The following TENM1 variants were observed in gnomAD, a reference collection of about 807,000 sequenced individuals.
The protein encoded by TENM1 is teneurin transmembrane protein 1.
Under a neutral mutation model 174.8 loss-of-function variants are expected in TENM1, and 35 were observed. The ratio of observed to expected loss-of-function variants is 0.20; its 90% CI spans 0.15 to 0.27. The LOEUF is 0.27. Among genes scored for constraint, TENM1 ranks in the 10% least tolerant of loss-of-function variants. The probability of loss-of-function intolerance (pLI) is 1.00; values close to 1 mark genes in which losing one functional copy is unlikely to be tolerated. For missense variants in TENM1, 1,633 were observed against 2,130.1 expected (o/e 0.77, Z 4.59); for synonymous variants, 781 against 798.7 (o/e 0.98, Z 0.37).
At chrX:124,467,852 AGGTTC>A (rs2061256704) in intron 22 of TENM1, among the ~76,000 whole-genome samples, 1 of 109,207 alleles carries the variant, frequency 9.2e-6, no homozygotes, top group South Asian at 4.0e-4. Flanking sequence ...TCTGTCTCCC[AGGTTC>A]GAGTGATTCT....
chrX:124,894,741 C>A (rs1219158628), intron 2 of TENM1, among the ~76,000 whole-genome samples: 3 of 111,319 alleles, frequency 2.7e-5, no homozygotes, highest in Non-Finnish European at 3.8e-5. Context: ...CCTACCACCC[C>A]ATTTCATATA....
At chrX:124,738,253 A>G (rs2053723141) in intron 3 of TENM1, among the ~76,000 whole-genome samples, 1 of 111,202 alleles carries the variant, frequency 9.0e-6, no homozygotes, top group Non-Finnish European at 1.9e-5. Context: ...AAGCAGAAAA[A>G]CGCCAGAGGC....
At chrX:124,582,156 T>C (rs927644327) in intron 11 of TENM1, among the ~76,000 whole-genome samples, 1 of 112,031 alleles carries the variant, frequency 8.9e-6, no homozygotes, top group African/African-American at 3.2e-5. Context: ...GTTCCTGTGT[T>C]AGTTTGCTGA....
At chrX:125,064,317 AAAAG>A in the TENM1 span, among the ~76,000 whole-genome samples, 23 of 112,001 alleles carry the variant, frequency 2.1e-4, no homozygotes, top group African/African-American at 6.5e-4. Context: ...AATAATAAAA[AAAAG>A]AAAGAAAAAT....
At chrX:124,833,904 G>A (rs1302125939) in intron 3 of TENM1, among the ~76,000 whole-genome samples, 1 of 110,761 alleles carries the variant, frequency 9.0e-6, no homozygotes, top group Non-Finnish European at 1.9e-5. Flanking sequence ...GTAGCCTCAA[G>A]GAAGTTAATA....
the TENM1 span, among the ~76,000 whole-genome samples, chrX:125,045,055 A>T: frequency 5.8e-4 from 65 of 111,551 alleles, no homozygotes; most frequent in African/African-American, 1.9e-3. Context: ...CGAGACTTAC[A>T]ATCACAGCGG....
intron 11 of TENM1, among the ~76,000 whole-genome samples, chrX:124,580,010 T>C (rs2049262464): frequency 9.0e-6 from 1 of 111,411 alleles, no homozygotes; most frequent in South Asian, 3.8e-4. Context: ...GGCATATGGA[T>C]AGGCATTTAC....
At chrX:124,801,169 T>C (rs1432855204) in intron 3 of TENM1, among the ~76,000 whole-genome samples, 3 of 111,726 alleles carry the variant, frequency 2.7e-5, no homozygotes, top group African/African-American at 3.3e-5. Flanking sequence ...TTATGTCTCA[T>C]TGATCTGTAT....
chrX:125,142,394 T>A, the TENM1 span, among the ~76,000 whole-genome samples: 2 of 111,158 alleles, frequency 1.8e-5, no homozygotes, highest in Non-Finnish European at 3.8e-5. Context: ...TCCTCAGAGC[T>A]TTAGTACTCC....
chrX:124,781,027 G>A (rs187363728), intron 3 of TENM1, among the ~76,000 whole-genome samples: 6 of 111,263 alleles, frequency 5.4e-5, no homozygotes, highest in African/African-American at 2.0e-4. Context: ...TGCCCCAACC[G>A]GACCATTCTA....
chrX:124,384,624 T>G, exon 30 of TENM1: 2 of 1,211,191 alleles, frequency 1.7e-6, no homozygotes, highest in Non-Finnish European at 2.2e-6. Flanking sequence ...GTGTGTTTCA[T>G]CACTGTAGTA....
At chrX:124,926,351 T>C in intron 1 of TENM1, among the ~76,000 whole-genome samples, 1 of 112,026 alleles carries the variant, frequency 8.9e-6, no homozygotes, top group African/African-American at 3.2e-5. Flanking sequence ...AGGATGCTTG[T>C]GAAGATTTAT....
At chrX:124,565,244 T>C (rs1283362175) in intron 12 of TENM1, 131 bp downstream of exon 15, 3 of 406,722 alleles carry the variant, frequency 7.4e-6, no homozygotes, top group Admixed American at 5.4e-5. Context: ...ACTTTAAAAC[T>C]TGTAACCAAC....
exon 32 of TENM1, chrX:124,380,716 C>A (rs779245112): frequency 6.6e-6 from 8 of 1,209,832 alleles, no homozygotes; most frequent in South Asian, 3.5e-5. Flanking sequence ...CCCCCTCTTG[C>A]AGCCTTCTTT....
At chrX:125,078,763 G>A in the TENM1 span, among the ~76,000 whole-genome samples, 1 of 111,742 alleles carries the variant, frequency 8.9e-6, no homozygotes, top group African/African-American at 3.2e-5. Context: ...CCTAAAATGT[G>A]TTTGTAGTCT....
intron 1 of TENM1, among the ~76,000 whole-genome samples, chrX:124,959,192 A>G (rs565056604): frequency 9.0e-6 from 1 of 111,463 alleles, no homozygotes; most frequent in Admixed American, 9.5e-5. Context: ...AATAAAGAGG[A>G]TTCCAGATCT....
chrX:124,643,388 G>T (rs2051067592), intron 10 of TENM1, among the ~76,000 whole-genome samples: 1 of 110,931 alleles, frequency 9.0e-6, no homozygotes, highest in African/African-American at 3.3e-5. Context: ...AAAAAAGGGT[G>T]TGTTGGGAGC....
chrX:124,434,678 CA>C (rs752797700), intron 23 of TENM1, among the ~76,000 whole-genome samples: 84 of 112,605 alleles, frequency 7.5e-4, no homozygotes, highest in African/African-American at 2.5e-3. Flanking sequence ...AATTTACAGT[CA>C]AAGTCATCTA....
At chrX:124,824,239 C>T (rs57522942) in intron 3 of TENM1, among the ~76,000 whole-genome samples, 22,385 of 110,994 alleles carry the variant, frequency 0.2, 3,065 homozygotes, top group African/African-American at 0.49. Flanking sequence ...AAACTCCAAA[C>T]TGAAATCAGT....
Sources: gnomAD v4.1 joint callset for allele counts (sites outside exome capture counted in the v4.1 genomes callset) on GRCh38, gnomAD v4.1.1 for gene constraint, MANE v1.5 for transcripts, NCBI Gene and HGNC (gene_info 2026-07-23, HGNC 2026-07-21) for gene names.